The following PPHLN1 variants were observed in gnomAD, a reference collection of about 807,000 sequenced individuals.
The protein encoded by PPHLN1 is periphilin-1.
A neutral mutation model predicts 51.3 loss-of-function variants in PPHLN1; 29 were observed. The ratio of observed to expected loss-of-function variants is 0.57; its 90% CI spans 0.42 to 0.77. PPHLN1 has a LOEUF of 0.77. PPHLN1 is among the 30% of genes least tolerant of loss of function. PPHLN1 has a pLI of 0.00. For synonymous variants in PPHLN1, 147 were observed against 147.8 expected (o/e 0.99, Z 0.04); for missense variants, 436 against 438.4 (o/e 0.99, Z 0.05).
At chr12:42,354,132 T>TTAA (rs2073758239) in intron 3 of PPHLN1, among the ~76,000 whole-genome samples, 1 of 152,224 alleles carries the variant, frequency 6.6e-6, no homozygotes, top group Non-Finnish European at 1.5e-5. Context: ...GAGTGTGTGA[T>TTAA]GCTAAAGAGG....
At chr12:42,399,147 A>T (rs2078562058) in intron 9 of PPHLN1, 153 bp downstream of exon 9, 1 of 1,414,444 alleles carries the variant, frequency 7.1e-7, no homozygotes, top group Non-Finnish European at 9.2e-7. Context: ...AGTTGACTTC[A>T]CAGTCAGTTT....
At chr12:42,350,792 A>G (rs58220548) in intron 2 of PPHLN1, among the ~76,000 whole-genome samples, 22,929 of 152,042 alleles carry the variant, frequency 0.15, 1,799 homozygotes, top group Admixed American at 0.2. Context: ...GCGAAACCCC[A>G]TCTCCACCAA....
intron 7 of PPHLN1, 116 bp from the exon 8 acceptor site, chr12:42,393,454 C>T: frequency 6.0e-6 from 6 of 997,428 alleles, no homozygotes; most frequent in Non-Finnish European, 8.5e-6. Context: ...TGTACCTGTT[C>T]TCCATAGAAA....
intron 4 of PPHLN1, chr12:42,361,617 C>G (rs1163856807): frequency 6.6e-6 from 1 of 152,172 alleles, no homozygotes; most frequent in Non-Finnish European, 1.5e-5. Context: ...AAGTTAGCTT[C>G]TGTGGTTGGT....
intron 9 of PPHLN1, among the ~76,000 whole-genome samples, chr12:42,405,719 A>G (rs2079230610): frequency 6.6e-6 from 1 of 152,190 alleles, no homozygotes; most frequent in South Asian, 2.1e-4. Flanking sequence ...GGTCTGCCTG[A>G]AAGCCAAATC....
At position 42,326,490 on chromosome 12, in the gene PPHLN1, C is replaced by G. The variant is rs61924346; in HGVS notation, c.-21+261C>G. On this transcript the variant is annotated intron_variant, in intron 1 of 9. Transcript: ENST00000358314. ...CGACTGAGCTAGGTAACTTCAGTGACCCGAGAGGAGTCAGGAAGTCGGTAA... is the reference window on the plus strand; with the variant it reads ...CGACTGAGCTAGGTAACTTCAGTGAGCCGAGAGGAGTCAGGAAGTCGGTAA... 2.9e-3 allele frequency among the ~76,000 whole-genome samples: 440 copies of G among 152,262 alleles called. 1 individual carries two copies. The highest frequency in any genetic ancestry group is 6.7e-3 in the Admixed American group (102 of 15,298).
chr12:42,432,093 A>C, intron 9 of PPHLN1: 1 of 1,535,714 alleles, frequency 6.5e-7, no homozygotes, highest in Non-Finnish European at 9.0e-7. Flanking sequence ...ACCCCCTGAA[A>C]CACTTCTGCA....
At chr12:42,366,820 A>T (rs1180368550) in intron 4 of PPHLN1, among the ~76,000 whole-genome samples, 2 of 152,186 alleles carry the variant, frequency 1.3e-5, no homozygotes, top group Non-Finnish European at 2.9e-5. Flanking sequence ...ATCACTAGGG[A>T]TTTAATGGTC....
At chr12:42,342,916 A>G (rs1430909487) in intron 2 of PPHLN1, among the ~76,000 whole-genome samples, 1 of 152,204 alleles carries the variant, frequency 6.6e-6, no homozygotes, top group African/African-American at 2.4e-5. Context: ...AATCTTTTTT[A>G]TAATTCTTGT....
At chr12:42,406,015 A>G (rs1375674587) in intron 9 of PPHLN1, among the ~76,000 whole-genome samples, 1 of 151,936 alleles carries the variant, frequency 6.6e-6, no homozygotes, top group Admixed American at 6.6e-5. Context: ...GAATCCGTTC[A>G]TCTCCCCTCC....
intron 4 of PPHLN1, among the ~76,000 whole-genome samples, chr12:42,356,195 A>C (rs2074032033): frequency 6.6e-6 from 1 of 152,250 alleles, no homozygotes; most frequent in African/African-American, 2.4e-5. Flanking sequence ...GCAAGGCATC[A>C]ACTGTCACAA....
rs370774935 is a variant in PPHLN1 at position 42,387,405 on chromosome 12, C to T, written c.569-51C>T. The T allele has an allele frequency of 2.5e-5, 39 of 1,552,624 alleles. No homozygotes were observed. In the African/African-American group the frequency reaches 4.4e-4, roughly 18 times the overall value. Reference sequence around the variant, plus strand: ...TAATTCCATTACAAAATTACTTTATCAAAAACAAATTAGCTAGAAAAAAAA... The same window carrying T: ...TAATTCCATTACAAAATTACTTTATTAAAAACAAATTAGCTAGAAAAAAAA... On this transcript the variant is annotated intron_variant, in intron 6 of 9. Transcript: ENST00000358314.
chr12:42,397,563 GTTTTACATAT>G (rs1180421097), intron 8 of PPHLN1, among the ~76,000 whole-genome samples: 29 of 129,498 alleles, frequency 2.2e-4, no homozygotes, highest in African/African-American at 7.6e-4. Flanking sequence ...CTATGTCTTA[GTTTTACATAT>G]TGTGTATAGG....
chr12:42,362,462 GTGT>G (rs1555191136), intron 4 of PPHLN1, among the ~76,000 whole-genome samples: 16 of 152,268 alleles, frequency 1.1e-4, no homozygotes, highest in Non-Finnish European at 2.9e-5. Context: ...AAGGTCATCT[GTGT>G]TGTTTTGACA....
At chr12:42,328,865 A>G (rs913542929) in intron 1 of PPHLN1, among the ~76,000 whole-genome samples, 1 of 151,958 alleles carries the variant, frequency 6.6e-6, no homozygotes, top group African/African-American at 2.4e-5. Context: ...ATGTCCCACC[A>G]TGCCTGGTTA....
chr12:42,363,040 C>G (rs939308644), intron 4 of PPHLN1, among the ~76,000 whole-genome samples: 2 of 152,188 alleles, frequency 1.3e-5, no homozygotes, highest in Non-Finnish European at 2.9e-5. Context: ...AGGCTTATAT[C>G]ATGTTACCCC....
At chr12:42,382,233 A>G (rs1470956867) in intron 5 of PPHLN1, among the ~76,000 whole-genome samples, 7 of 152,208 alleles carry the variant, frequency 4.6e-5, no homozygotes, top group Middle Eastern at 3.2e-3. Flanking sequence ...GTGTTGTGTA[A>G]TGTTAAGCTG....
At chr12:42,413,524 A>ATGTG (rs1397983458) in intron 9 of PPHLN1, among the ~76,000 whole-genome samples, 5,305 of 118,464 alleles carry the variant, frequency 0.045, 149 homozygotes, top group Non-Finnish European at 0.068. Flanking sequence ...ATATATATGT[A>ATGTG]TATGTGTGTG....
chr12:42,327,993 T>G (rs2069070684), intron 1 of PPHLN1, among the ~76,000 whole-genome samples: 1 of 152,078 alleles, frequency 6.6e-6, no homozygotes, highest in Non-Finnish European at 1.5e-5. Flanking sequence ...CCTCTCCCAG[T>G]TTTTAAATGT....
Sources: gnomAD v4.1 joint callset for allele counts (sites outside exome capture counted in the v4.1 genomes callset) on GRCh38, gnomAD v4.1.1 for gene constraint, MANE v1.5 for transcripts, NCBI Gene and HGNC (gene_info 2026-07-23, HGNC 2026-07-21) for gene names.